Variants in ZNF746 observed in about 807,000 individuals in gnomAD.
ZNF746 encodes parkin-interacting substrate.
A neutral mutation model predicts 41.0 loss-of-function variants in ZNF746; 13 were observed. The observed-to-expected ratio is 0.32, with a 90% CI of 0.21 to 0.50. The LOEUF is 0.50. Ranked by LOEUF, ZNF746 falls within the 20% of genes least tolerant of loss-of-function variation. The pLI is 0.98. For missense variants in ZNF746, 811 were observed against 922.9 expected, an observed-to-expected ratio of 0.88 and a Z score of 1.57; for synonymous variants, 424 against 396.2, an observed-to-expected ratio of 1.07 and a Z score of -0.83.
In ZNF746 at chr7:149,474,591, G is replaced by A; in HGVS notation, c.1776C>T (p.Ile592=). ...GGTGCTTGCGGAGGTGGTCCTTGCGGATGAAGCTTTTGCCGCAGACGGTGC... is the reference window on the plus strand; with the variant it reads ...GGTGCTTGCGGAGGTGGTCCTTGCGAATGAAGCTTTTGCCGCAGACGGTGC... ...FTCTVCGKSF[I]RKDHLRKHQR... is the part of the protein sequence containing the mutation. Residue 592 remains isoleucine, a synonymous_variant, in exon 7 of 7, where the codon ATC becomes ATT. Transcript: ENST00000458143. This position sits in a 1 kb window ranked among gnomAD's most constrained non-coding sequence, Gnocchi z 6.3. 1.2e-6 allele frequency: 2 copies of A among 1,612,564 alleles called. No individual in the cohort carries two copies. Among genetic ancestry groups the A allele is most frequent in the Non-Finnish European group, 1.7e-6 (2 of 1,179,114 alleles).
intron 6 of ZNF746, 62 bp downstream of exon 6, chr7:149,476,860 T>C (rs1800317171): frequency 6.2e-7 from 1 of 1,610,740 alleles, no homozygotes; most frequent in Non-Finnish European, 8.5e-7. Context: ...ATGGGATGCC[T>C]GGACCGAGGT....
intron 3 of ZNF746, 23 bp downstream of exon 3, chr7:149,493,966 G>A (rs781577622): frequency 1.2e-6 from 2 of 1,614,214 alleles, no homozygotes; most frequent in Non-Finnish European, 1.7e-6. Flanking sequence ...CCATTTAACA[G>A]AGAAATGAGT....
At chr7:149,478,435 A>C (rs1189824313) in intron 4 of ZNF746, among the ~76,000 whole-genome samples, 1 of 152,188 alleles carries the variant, frequency 6.6e-6, no homozygotes, top group Non-Finnish European at 1.5e-5. Flanking sequence ...AAACCCATAA[A>C]AACTTGGAAT....
rs1317510224 is a variant in ZNF746, at chr7:149,497,259, A to G, written c.24+254T>C. 1 of 985,048 alleles carries G rather than the reference A, an allele frequency of 1.0e-6. No individual in the cohort carries two copies. The highest frequency in any genetic ancestry group is 1.2e-6 in the Non-Finnish European group (1 of 829,754). The allele number at this position is 985,048 out of a possible 1,614,324, so 61.0% of individuals were successfully genotyped here. A position where few individuals can be genotyped will look rare whatever the true frequency, so the allele number is the denominator to read the frequency against. On this transcript the variant is annotated intron_variant, in intron 1 of 6. Transcript: ENST00000458143. The surrounding 1 kb of genome is among the most constrained non-coding windows in gnomAD (Gnocchi z 4.2). ...GGGGGCAGGAAGCCCCGGAGGGCCCAAAGAACTTGGCGTGGGGCGGCCCGG... is the reference window on the plus strand; with the variant it reads ...GGGGGCAGGAAGCCCCGGAGGGCCCGAAGAACTTGGCGTGGGGCGGCCCGG...
chr7:149,483,109 T>A (rs1329887765), intron 4 of ZNF746, among the ~76,000 whole-genome samples: 1 of 152,120 alleles, frequency 6.6e-6, no homozygotes, highest in Admixed American at 6.5e-5. Context: ...TACAACACAA[T>A]TAAGTTTGAA....
rs1197243762 is a variant in ZNF746, at chr7:149,474,866, T to C, written c.1501A>G (p.Thr501Ala). 6.8e-7 allele frequency: 1 copy of C among 1,469,264 alleles called. No homozygotes were observed. The highest frequency in any genetic ancestry group is 1.3e-5 in the South Asian group (1 of 77,712). The allele number at this position is 1,469,264 out of a possible 1,614,324, so 91.0% of individuals were successfully genotyped here. ...CCACTGCCGCTGCCGCCACCGCCTG[T>C]GCCCGGGCCCGACCCGTCGGGCGCC... is the stretch of plus-strand genomic sequence containing the variant. ...CGAPDGSGPG[T>A]GGGGSGSGGG... Residue 501 changes from threonine to alanine, a missense_variant, in exon 7 of 7, where the codon ACA (threonine) becomes GCA (alanine). Coordinates refer to ENST00000458143, the MANE Select transcript of ZNF746 (RefSeq NM_001394198.1). The surrounding 1 kb of genome is among the most constrained non-coding windows in gnomAD (Gnocchi z 6.3).
rs1365157644 is a variant in ZNF746, at chr7:149,494,543, T to C, written c.25-40A>G. 2 of 1,608,236 alleles carry C rather than the reference T, an allele frequency of 1.2e-6. No individual in the cohort carries two copies. The highest frequency in any genetic ancestry group is 1.7e-6 in the Non-Finnish European group (2 of 1,176,246). On this transcript the variant is annotated intron_variant, in intron 1 of 6. Coordinates refer to ENST00000458143, the MANE Select transcript of ZNF746 (RefSeq NM_001394198.1). The surrounding 1 kb of genome is among the most constrained non-coding windows in gnomAD (Gnocchi z 5.6). The stretch of plus-strand genomic sequence containing the variant: ...AGAGAAACTGGCATCACTCATTCCA[T>C]CCACTGTCTTCATTGAGCCCCTCTC...
intron 4 of ZNF746, chr7:149,488,816 G>A (rs1402619604): frequency 6.6e-6 from 1 of 152,166 alleles, no homozygotes; most frequent in African/African-American, 2.4e-5. Flanking sequence ...GCCACCGCTG[G>A]GTCTACTCCC....
chr7:149,478,108 C>A (rs1439485040), intron 4 of ZNF746, among the ~76,000 whole-genome samples: 1 of 142,042 alleles, frequency 7.0e-6, no homozygotes, highest in East Asian at 2.3e-4. Context: ...CCCAAGTCCC[C>A]CCAAAACCTT....
chr7:149,495,413 G>T (rs1365198145), intron 1 of ZNF746, among the ~76,000 whole-genome samples: 3 of 152,282 alleles, frequency 2.0e-5, no homozygotes, highest in African/African-American at 7.2e-5. Flanking sequence ...TTAGAGACGG[G>T]GGCCTTCCCT....
At position 149,484,015 on chromosome 7, in the gene ZNF746, GAAATAGAA is replaced by G. The variant is rs1292095742; in HGVS notation, c.566-6268_566-6261del. ...ATTTCAACCTGCCAAAACTAAAGAA[GAAATAGAA>G]AACCTGAATAGTCCTGTAACTAAAA... is the stretch of plus-strand genomic sequence containing the variant. On this transcript the variant is annotated intron_variant, in intron 4 of 6. Coordinates refer to ENST00000458143, the MANE Select transcript of ZNF746 (RefSeq NM_001394198.1). Among the ~76,000 whole-genome samples the G allele has an allele frequency of 3.3e-5, 5 of 152,112 alleles. No individual in the cohort carries two copies. In the East Asian group the frequency reaches 5.8e-4, roughly 18 times the overall value.
chr7:149,487,567 T>C (rs760319134), intron 4 of ZNF746: 21 of 152,184 alleles, frequency 1.4e-4, no homozygotes, highest in Non-Finnish European at 2.9e-4. Context: ...TTGTAGAGGA[T>C]ATAATTATCT....
At chr7:149,487,156 G>A (rs975645278) in intron 4 of ZNF746, among the ~76,000 whole-genome samples, 1 of 152,178 alleles carries the variant, frequency 6.6e-6, no homozygotes. Flanking sequence ...CTTCTTATGA[G>A]ATGGAACAGT....
Position 149,477,134 on chromosome 7 carries a change from T to G in ZNF746, c.758-87A>C, listed in dbSNP as rs537637018. 9.5e-6 allele frequency: 14 copies of G among 1,466,046 alleles called. No homozygotes were observed. The African/African-American group carries it at 1.4e-4, about 15-fold the overall frequency. 90.8% of individuals were successfully genotyped at this position (1,466,046 alleles called of 1,614,324 possible). A position where few individuals can be genotyped will look rare whatever the true frequency, so the allele number is the denominator to read the frequency against. ...TTGGGGAGGAGAGCAGGCTAAACTC[T>G]GAGGTCCCCCCACTGGGGGCTTTTC... On this transcript the variant is annotated intron_variant, in intron 5 of 6. Coordinates refer to ENST00000458143, the MANE Select transcript of ZNF746 (RefSeq NM_001394198.1).
chr7:149,480,781 T>C (rs2116651131), intron 4 of ZNF746, among the ~76,000 whole-genome samples: 1 of 152,226 alleles, frequency 6.6e-6, no homozygotes, highest in East Asian at 1.9e-4. Context: ...AACAACAGAA[T>C]GGAAATGATT....
intron 4 of ZNF746, among the ~76,000 whole-genome samples, chr7:149,485,133 C>T (rs1171441349): frequency 7.0e-6 from 1 of 143,358 alleles, no homozygotes; most frequent in African/African-American, 2.6e-5. Flanking sequence ...AAAAAAGATA[C>T]CACTGACAAA....
chr7:149,493,956 C>T (rs1387271548), intron 3 of ZNF746, 33 bp downstream of exon 3: 1 of 1,614,018 alleles, frequency 6.2e-7, no homozygotes, highest in Non-Finnish European at 8.5e-7. Flanking sequence ...TTGCAAAATC[C>T]CATTTAACAG....
rs1250741652 is a variant in ZNF746 at position 149,474,954 on chromosome 7, G to A, written c.1413C>T (p.Cys471=). The A allele has an allele frequency of 1.3e-6, 2 of 1,546,746 alleles. No homozygotes were observed. The highest frequency in any genetic ancestry group is 2.0e-5 in the Admixed American group (1 of 50,882). The change falls in exon 7 of 7, where the codon TGC becomes TGT. Residue 471 remains cysteine (C), a synonymous_variant. Coordinates refer to ENST00000458143, the MANE Select transcript of ZNF746 (RefSeq NM_001394198.1). This position sits in a 1 kb window ranked among gnomAD's most constrained non-coding sequence, Gnocchi z 6.3. ...GCTGGAAGCTCTTCCCACACGTGGC[G>A]CAGGTGAAGGGCCGGCCCCCGGGGG... ...AAPPGGRPFT[C]ATCGKSFQLQ...
intron 3 of ZNF746, among the ~76,000 whole-genome samples, chr7:149,493,451 A>C (rs1202536265): frequency 6.6e-6 from 1 of 152,172 alleles, no homozygotes; most frequent in Non-Finnish European, 1.5e-5. Context: ...CCAGCCCAGG[A>C]AGAAACAGAG....
Sources: gnomAD v4.1 joint callset for allele counts (sites outside exome capture counted in the v4.1 genomes callset) on GRCh38, gnomAD v4.1.1 for gene constraint, Gnocchi (gnomAD v3.1) non-coding constraint, MANE v1.5 for transcripts, NCBI Gene and HGNC (gene_info 2026-07-23, HGNC 2026-07-21) for gene names.